Variants in PCDH7 observed in about 807,000 individuals in gnomAD.
PCDH7 encodes the protein protocadherin 7.
In PCDH7, 17 loss-of-function variants were observed where a neutral mutation model predicts 58.9. The ratio of observed to expected loss-of-function variants is 0.29; its 90% confidence interval spans 0.20 to 0.43. The LOEUF is 0.43. Among genes scored for constraint, PCDH7 ranks in the 20% least tolerant of loss-of-function variants. The pLI is 1.00. For synonymous variants in PCDH7, 664 were observed against 616.4 expected (o/e 1.08, Z -1.14); for missense variants, 1,274 against 1,441.0 (o/e 0.88, Z 1.88).
intron 1 of PCDH7, among the ~76,000 whole-genome samples, chr4:30,791,109 T>A (rs976212002): frequency 1.3e-5 from 2 of 152,084 alleles, no homozygotes; most frequent in Non-Finnish European, 2.9e-5. Context: ...GGAACCTAGA[T>A]GGAATGAGGA....
chr4:30,752,108 T>G (rs1484425147), intron 1 of PCDH7, among the ~76,000 whole-genome samples: 1 of 152,094 alleles, frequency 6.6e-6, no homozygotes, highest in Non-Finnish European at 1.5e-5. Flanking sequence ...ACTTTGCTTT[T>G]CTTTATTACT....
intron 3 of PCDH7, among the ~76,000 whole-genome samples, chr4:31,079,451 C>T (rs1334705649): frequency 6.7e-6 from 1 of 148,868 alleles, no homozygotes; most frequent in African/African-American, 2.5e-5. Flanking sequence ...TGCTCGATAT[C>T]TCTAGTAACC....
At position 30,724,570 on chromosome 4, in the gene PCDH7, C is replaced by T; in HGVS notation, c.3148C>T (p.Gln1050Ter). Residue 1050 changes from glutamine to a stop codon, truncating the protein, a stop_gained, in exon 1 of 2, where the codon CAA becomes TAA. Transcript: ENST00000361762. LOFTEE classifies it high-confidence loss of function. ...AGATCACTGCTCTGAGTACAGCTGT[C>T]AAACCAATAACAAGTACAGCAAACA... The T allele has an allele frequency of 6.2e-7, 1 of 1,614,038 alleles. No homozygotes were observed. Among genetic ancestry groups the T allele is most frequent in the Non-Finnish European group, 8.5e-7 (1 of 1,180,026 alleles).
chr4:30,799,646 C>A (rs1409285577), intron 1 of PCDH7, among the ~76,000 whole-genome samples: 1 of 152,034 alleles, frequency 6.6e-6, no homozygotes, highest in Non-Finnish European at 1.5e-5. Context: ...TGGTCTTTAA[C>A]ATTGCTGTTA....
At position 30,723,857 on chromosome 4, in the gene PCDH7, A is replaced by G; in HGVS notation, c.2435A>G (p.Tyr812Cys). 1 of 1,614,144 alleles carries G rather than the reference A, an allele frequency of 6.2e-7. No homozygotes were observed. The highest frequency in any genetic ancestry group is 8.5e-7 in the Non-Finnish European group (1 of 1,180,026). ...GTGGGAAAACTCACCCAAAAGCATTATGGCTTGCACAGGTTGGTGGTGCAA... is the reference window on the plus strand; with the variant it reads ...GTGGGAAAACTCACCCAAAAGCATTGTGGCTTGCACAGGTTGGTGGTGCAA... The change falls in exon 1 of 2, where the codon TAT (tyrosine) becomes TGT (cysteine). Residue 812 changes from tyrosine to cysteine, a missense_variant. Tyr to Cys is a radical substitution (Grantham distance 194). Around this residue, in one of 3 missense-constraint regions of PCDH7, gnomAD observed 731 missense variants for 881.9 expected, o/e 0.83. Coordinates refer to ENST00000361762, the Ensembl canonical transcript of PCDH7. The surrounding 1 kb of genome is among the most constrained non-coding windows in gnomAD (Gnocchi z 4.6).
intron 2 of PCDH7, among the ~76,000 whole-genome samples, chr4:30,931,398 A>T (rs1364536593): frequency 6.6e-6 from 1 of 152,086 alleles, no homozygotes; most frequent in East Asian, 1.9e-4. Flanking sequence ...CAACATGGAG[A>T]AACCCTGTTT....
At chr4:31,118,068 A>G (rs1042737499) in intron 3 of PCDH7, among the ~76,000 whole-genome samples, 5 of 152,204 alleles carry the variant, frequency 3.3e-5, no homozygotes, top group Non-Finnish European at 5.9e-5. Context: ...TAGGATTCAC[A>G]TTTAAATTGT....
At chr4:30,754,466 A>G (rs1246565363) in intron 1 of PCDH7, among the ~76,000 whole-genome samples, 1 of 152,192 alleles carries the variant, frequency 6.6e-6, no homozygotes, top group Non-Finnish European at 1.5e-5. Context: ...CTATGCTTAC[A>G]AAAGTTATGA....
chr4:31,099,305 T>C (rs1714589958), intron 3 of PCDH7, among the ~76,000 whole-genome samples: 1 of 152,146 alleles, frequency 6.6e-6, no homozygotes, highest in Non-Finnish European at 1.5e-5. Context: ...TGAAGTGGGT[T>C]ACCTTTATAC....
At chr4:30,937,817 G>A (rs978066857) in intron 2 of PCDH7, among the ~76,000 whole-genome samples, 1 of 151,104 alleles carries the variant, frequency 6.6e-6, no homozygotes, top group South Asian at 2.1e-4. Flanking sequence ...TTGACATATG[G>A]AATCATGTCA....
chr4:31,073,928 A>G (rs1224769595), intron 3 of PCDH7, among the ~76,000 whole-genome samples: 1 of 151,966 alleles, frequency 6.6e-6, no homozygotes, highest in Admixed American at 6.6e-5. Context: ...TTTGTCTCCT[A>G]TTATTCTCTC....
At chr4:30,826,068 C>G (rs1377100312) in intron 1 of PCDH7, among the ~76,000 whole-genome samples, 1 of 152,098 alleles carries the variant, frequency 6.6e-6, no homozygotes, top group Non-Finnish European at 1.5e-5. Flanking sequence ...CTTTCTCACT[C>G]TTTGTGCCCC....
intron 3 of PCDH7, among the ~76,000 whole-genome samples, chr4:30,981,217 C>G (rs1211379315): frequency 1.3e-5 from 2 of 152,160 alleles, no homozygotes; most frequent in African/African-American, 4.8e-5. Context: ...AACACTCCCC[C>G]CATTCCTCTG....
rs1746706938 is a variant in PCDH7, at chr4:30,946,591, G to C, written c.288-3529G>C. On this transcript the variant is annotated intron_variant, in intron 2 of 3. Coordinates refer to the PCDH7 transcript ENST00000509759. ...CATTCTTTTATACACATCCTATCCA[G>C]TCTGTGAAAAGCAGTCTCTCTCTTG... is the stretch of plus-strand genomic sequence containing the variant. 2.0e-5 allele frequency among the ~76,000 whole-genome samples: 3 copies of C among 151,472 alleles called. No individual in the cohort carries two copies. In the South Asian group the frequency reaches 6.3e-4, roughly 32 times the overall value.
chr4:30,982,587 T>G (rs1750662321), intron 3 of PCDH7, among the ~76,000 whole-genome samples: 1 of 152,216 alleles, frequency 6.6e-6, no homozygotes, highest in African/African-American at 2.4e-5. Flanking sequence ...GAATCCTTTT[T>G]TATATTTCCT....
At chr4:31,042,717 T>A (rs1177020553) in intron 3 of PCDH7, among the ~76,000 whole-genome samples, 1 of 152,122 alleles carries the variant, frequency 6.6e-6, no homozygotes, top group East Asian at 1.9e-4. Flanking sequence ...AAAATGCAGA[T>A]GATCAGTGGT....
intron 1 of PCDH7, among the ~76,000 whole-genome samples, chr4:30,824,144 TTTCTTTCTTTCTTTC>T (rs1457590943): frequency 1.6e-4 from 23 of 147,752 alleles, no homozygotes; most frequent in African/African-American, 5.5e-4. Flanking sequence ...TCTTTCTTTC[TTTCTTTCTTTCTTTC>T]TTTTTGCTTC....
At chr4:30,907,963 G>A (rs543254513) in intron 1 of PCDH7, among the ~76,000 whole-genome samples, 2 of 152,098 alleles carry the variant, frequency 1.3e-5, no homozygotes, top group Non-Finnish European at 2.9e-5. Flanking sequence ...CATGGATGAA[G>A]CTGGAAACCA....
At chr4:30,987,359 T>A (rs987989809) in intron 3 of PCDH7, among the ~76,000 whole-genome samples, 2 of 152,104 alleles carry the variant, frequency 1.3e-5, no homozygotes, top group Non-Finnish European at 2.9e-5. Flanking sequence ...TATGTCTTTT[T>A]TGTAAGGACA....
Sources: gnomAD v4.1 joint callset for allele counts (sites outside exome capture counted in the v4.1 genomes callset) on GRCh38, gnomAD v4.1.1 for gene constraint, gnomAD v4.1.1 regional missense constraint, Gnocchi (gnomAD v3.1) non-coding constraint, MANE v1.5 for transcripts, NCBI Gene and HGNC (gene_info 2026-07-23, HGNC 2026-07-21) for gene names.